Variants in ARHGAP15 observed in about 807,000 individuals in gnomAD.
ARHGAP15 encodes the protein Rho GTPase activating protein 15.
A neutral mutation model predicts 63.7 loss-of-function variants in ARHGAP15; 51 were observed. The observed-to-expected ratio is 0.80, with a 90% CI of 0.64 to 1.01. ARHGAP15 has a LOEUF of 1.01. Ranked by LOEUF, ARHGAP15 falls within the 50% of genes least tolerant of loss-of-function variation. ARHGAP15 has a pLI of 0.00. For missense variants in ARHGAP15, 560 were observed against 564.6 expected, an observed-to-expected ratio of 0.99 and a Z score of 0.08; for synonymous variants, 191 against 193.8, an observed-to-expected ratio of 0.99 and a Z score of 0.12.
chr2:143,299,587 T>C (rs1682805613), intron 6 of ARHGAP15, among the ~76,000 whole-genome samples: 1 of 152,006 alleles, frequency 6.6e-6, no homozygotes, highest in East Asian at 1.9e-4. Context: ...AGTCTTACCC[T>C]TATCTGCCAC....
chr2:143,590,142 A>G (rs767340450), intron 11 of ARHGAP15, among the ~76,000 whole-genome samples: 7 of 152,200 alleles, frequency 4.6e-5, no homozygotes, highest in Non-Finnish European at 1.0e-4. Flanking sequence ...TTCCATGTGC[A>G]TGCCCCATTT....
intron 6 of ARHGAP15, among the ~76,000 whole-genome samples, chr2:143,388,782 G>A (rs186942860): frequency 1.1e-4 from 16 of 151,964 alleles, no homozygotes; most frequent in South Asian, 6.2e-4. Context: ...ATTTAATTGC[G>A]TGTCCAATGT....
intron 11 of ARHGAP15, among the ~76,000 whole-genome samples, chr2:143,569,563 T>G (rs1398520751): frequency 6.6e-6 from 1 of 151,968 alleles, no homozygotes; most frequent in Admixed American, 6.6e-5. Context: ...TTCTGTGAGA[T>G]CAGGACACAC....
chr2:143,750,947 G>GA (rs1184733630), intron 13 of ARHGAP15, among the ~76,000 whole-genome samples: 1 of 152,178 alleles, frequency 6.6e-6, no homozygotes, highest in Non-Finnish European at 1.5e-5. Context: ...AATGATGCGT[G>GA]AACACAAGGC....
chr2:143,712,750 G>A (rs1684636472), intron 13 of ARHGAP15, among the ~76,000 whole-genome samples: 1 of 151,746 alleles, frequency 6.6e-6, no homozygotes, highest in Non-Finnish European at 1.5e-5. Flanking sequence ...CAGGACACTG[G>A]GCAGAATTTA....
At chr2:143,254,776 C>T (rs1680335793) in intron 6 of ARHGAP15, among the ~76,000 whole-genome samples, 1 of 151,868 alleles carries the variant, frequency 6.6e-6, no homozygotes, top group Admixed American at 6.6e-5. Flanking sequence ...ACTTATTAAG[C>T]CAGAAGACTG....
chr2:143,374,689 G>C (rs1686724948), intron 6 of ARHGAP15, among the ~76,000 whole-genome samples: 1 of 152,074 alleles, frequency 6.6e-6, no homozygotes, highest in Non-Finnish European at 1.5e-5. Flanking sequence ...TTTTTGTAGA[G>C]ATAGGGTCTC....
At chr2:143,659,890 GT>G (rs112934638) in intron 12 of ARHGAP15, among the ~76,000 whole-genome samples, 33 of 151,518 alleles carry the variant, frequency 2.2e-4, no homozygotes, top group Admixed American at 1.6e-3. Flanking sequence ...TTATCTTGGA[GT>G]TTTTTTTTCC....
chr2:143,476,051 G>A (rs1172235459), intron 8 of ARHGAP15, among the ~76,000 whole-genome samples: 6 of 151,992 alleles, frequency 3.9e-5, no homozygotes. Flanking sequence ...TTTTTAGAGG[G>A]GTGCCAATTT....
At chr2:143,765,628 A>T (rs1686922585) in intron 13 of ARHGAP15, among the ~76,000 whole-genome samples, 1 of 152,202 alleles carries the variant, frequency 6.6e-6, no homozygotes, top group Admixed American at 6.5e-5. Flanking sequence ...TACTATCACC[A>T]GGCTGTCCAT....
chr2:143,366,125 A>ATG (rs143908632), intron 6 of ARHGAP15, among the ~76,000 whole-genome samples: 419 of 152,238 alleles, frequency 2.8e-3, no homozygotes, highest in African/African-American at 9.5e-3. Context: ...TGCCTTGGTT[A>ATG]TGGTAGCACA....
At chr2:143,541,646 A>T (rs1361742241) in intron 10 of ARHGAP15, among the ~76,000 whole-genome samples, 3 of 152,188 alleles carry the variant, frequency 2.0e-5, no homozygotes, top group Admixed American at 1.3e-4. Flanking sequence ...GGTCCACTCC[A>T]GACCCTGTTT....
intron 8 of ARHGAP15, among the ~76,000 whole-genome samples, chr2:143,470,799 T>C (rs997024433): frequency 3.6e-5 from 3 of 83,414 alleles, no homozygotes; most frequent in African/African-American, 6.7e-5. Context: ...CAGGTTGGCA[T>C]ATATATATAT....
intron 10 of ARHGAP15, among the ~76,000 whole-genome samples, chr2:143,534,431 A>G (rs569518607): frequency 6.6e-6 from 1 of 152,334 alleles, no homozygotes; most frequent in African/African-American, 2.4e-5. Flanking sequence ...ACAACGCCAC[A>G]TACAGTAAAA....
intron 6 of ARHGAP15, among the ~76,000 whole-genome samples, chr2:143,298,290 T>C (rs1183104723): frequency 6.6e-6 from 1 of 151,954 alleles, no homozygotes; most frequent in African/African-American, 2.4e-5. Flanking sequence ...AAAGGTAATG[T>C]TAGGATTACA....
At chr2:143,565,325 A>G (rs577442763) in intron 11 of ARHGAP15, among the ~76,000 whole-genome samples, 2 of 152,240 alleles carry the variant, frequency 1.3e-5, no homozygotes, top group East Asian at 3.9e-4. Context: ...AAAAACATCA[A>G]TTTTAAATTA....
At position 143,432,655 on chromosome 2, in the gene ARHGAP15, G is replaced by A. The variant is rs186305934; in HGVS notation, c.475-2946G>A. Among the ~76,000 whole-genome samples, 306 of 152,062 alleles carry A rather than the reference G, an allele frequency of 2.0e-3. 2 individuals are homozygous for A. Among genetic ancestry groups the A allele is most frequent in the African/African-American group, 7.2e-3 (300 of 41,526 alleles). ...TGGACACGCTTCTATAATTTCCTGGGCATAAATTTCTTACCAGCAAGAATT... is the reference window on the plus strand; with the variant it reads ...TGGACACGCTTCTATAATTTCCTGGACATAAATTTCTTACCAGCAAGAATT... On this transcript the variant is annotated intron_variant, in intron 6 of 13. Coordinates refer to ENST00000295095, the MANE Select transcript of ARHGAP15 (RefSeq NM_018460.4).
chr2:143,548,770 T>A (rs940895697), intron 10 of ARHGAP15, among the ~76,000 whole-genome samples: 2 of 151,980 alleles, frequency 1.3e-5, no homozygotes, highest in Non-Finnish European at 2.9e-5. Context: ...TATTTTGTTA[T>A]GACATTAAAA....
chr2:143,178,037 T>A (rs942710911), intron 2 of ARHGAP15, among the ~76,000 whole-genome samples: 19 of 152,312 alleles, frequency 1.2e-4, no homozygotes, highest in African/African-American at 3.4e-4. Context: ...ATTAAAAAAA[T>A]TTTTAAGAAT....
Sources: allele counts gnomAD v4.1 joint callset (sites outside exome capture counted in the v4.1 genomes callset), GRCh38; gene constraint gnomAD v4.1.1; transcripts MANE v1.5; gene names NCBI Gene and HGNC (gene_info 2026-07-23, HGNC 2026-07-21).